Variants in FAM228B observed in about 807,000 individuals in gnomAD.
FAM228B encodes protein FAM228B.
In FAM228B, 38 loss-of-function variants were observed where a neutral mutation model predicts 42.6. The observed-to-expected ratio is 0.89, with a 90% CI of 0.69 to 1.17. The LOEUF (loss-of-function observed/expected upper bound fraction) is 1.17. Among genes scored for constraint, FAM228B ranks in the 50% most tolerant of loss-of-function variants. The probability of loss-of-function intolerance (pLI) is 0.00; values close to 1 mark genes in which losing one functional copy is unlikely to be tolerated. For synonymous variants in FAM228B, 109 were observed against 122.3 expected (o/e 0.89, Z 0.72); for missense variants, 344 against 367.3 (o/e 0.94, Z 0.52).
rs768676044 is a variant in FAM228B, at chr2:24,083,044, C to G, written c.-210+2089C>G. 6 of 1,614,148 alleles carry G rather than the reference C, an allele frequency of 3.7e-6. No individual in the cohort carries two copies. In the South Asian group the frequency reaches 6.6e-5, roughly 18 times the overall value. ...GGGAGCAGAGCCATGGCTGTGTCCC[C>G]GATCTTCCAGTGTCCCTGGCAGCCA... On this transcript the variant is annotated intron_variant, in intron 2 of 10. Transcript: ENST00000613899.
At chr2:24,146,684 T>G (rs1666901621) in intron 5 of FAM228B, 64 bp from the exon 6 acceptor site, 2 of 1,142,746 alleles carry the variant, frequency 1.8e-6, no homozygotes, top group East Asian at 5.1e-5. Context: ...ATGCTTAGAA[T>G]AGACTGAAAA....
intron 2 of FAM228B, among the ~76,000 whole-genome samples, chr2:24,126,256 T>C (rs894337193): frequency 7.9e-5 from 12 of 152,222 alleles, no homozygotes; most frequent in Admixed American, 6.5e-5. Context: ...GTTTCCAAAG[T>C]CATTGAATTA....
intron 3 of FAM228B, among the ~76,000 whole-genome samples, chr2:24,111,631 A>G (rs1189361936): frequency 6.6e-6 from 1 of 152,130 alleles, no homozygotes; most frequent in Non-Finnish European, 1.5e-5. Context: ...GTATCTTTAT[A>G]TTGTACATCT....
intron 5 of FAM228B, among the ~76,000 whole-genome samples, chr2:24,141,353 C>T (rs1418245519): frequency 6.6e-6 from 1 of 152,232 alleles, no homozygotes; most frequent in Non-Finnish European, 1.5e-5. Context: ...ACACCATTCT[C>T]CTGCTTCAGC....
At chr2:24,088,582 C>T (rs553521693) in intron 2 of FAM228B, among the ~76,000 whole-genome samples, 1 of 152,258 alleles carries the variant, frequency 6.6e-6, no homozygotes, top group Non-Finnish European at 1.5e-5. Flanking sequence ...AACTTTTGGG[C>T]TCAAGAGATC....
rs1438694373 is a variant in FAM228B at position 24,095,708 on chromosome 2, T to G, written c.-121+479T>G. ...GCTGAACAAAAGGCAGCAGACAACT[T>G]TTGCAGACTTAAAGGTCCCTGTCTG... is the stretch of plus-strand genomic sequence containing the variant. On this transcript the variant is annotated intron_variant, in intron 3 of 10. Coordinates refer to the FAM228B transcript ENST00000613899. This position sits in a 1 kb window ranked among gnomAD's most constrained non-coding sequence, Gnocchi z 4.8. 1 of 152,338 alleles carries G rather than the reference T, an allele frequency of 6.6e-6. No individual in the cohort carries two copies. The highest frequency in any genetic ancestry group is 2.4e-5 in the African/African-American group (1 of 41,440). The allele number at this position is 152,338 out of a possible 1,614,324, so 9.4% of individuals were successfully genotyped here.
At chr2:24,115,571 G>A in intron 3 of FAM228B, 1 of 1,607,982 alleles carries the variant, frequency 6.2e-7, no homozygotes, top group Non-Finnish European at 8.5e-7. Context: ...TCTTTCATGG[G>A]CCTCTGATGA....
In FAM228B at chr2:24,155,237, T is replaced by G. The variant is rs190755538; in HGVS notation, c.687-6269T>G. Among the ~76,000 whole-genome samples the G allele has an allele frequency of 1.4e-3, 213 of 152,206 alleles. 1 individual carries two copies. Among genetic ancestry groups the G allele is most frequent in the African/African-American group, 4.9e-3 (205 of 41,554 alleles). On this transcript the variant is annotated intron_variant, in intron 7 of 10. Coordinates refer to ENST00000615575, the MANE Select transcript of FAM228B (RefSeq NM_001145710.2). ...TTTTGTAGTGAGCAAATCACATTAATGGGCATACAGTGAGTTCCAGTCACA... is the reference window on the plus strand; with the variant it reads ...TTTTGTAGTGAGCAAATCACATTAAGGGGCATACAGTGAGTTCCAGTCACA...
At chr2:24,086,708 C>T (rs1374862057) in intron 2 of FAM228B, among the ~76,000 whole-genome samples, 2 of 152,136 alleles carry the variant, frequency 1.3e-5, no homozygotes, top group East Asian at 1.9e-4. Context: ...AGTAGACTAG[C>T]GTCTATTGAC....
chr2:24,100,570 C>G (rs1368343930), intron 3 of FAM228B, among the ~76,000 whole-genome samples: 1 of 152,176 alleles, frequency 6.6e-6, no homozygotes, highest in Non-Finnish European at 1.5e-5. Flanking sequence ...GAGATACCAT[C>G]TTGTGCCAGT....
upstream of FAM228B, chr2:24,123,378 C>T (rs1666189838): frequency 6.6e-6 from 1 of 152,270 alleles, no homozygotes; most frequent in Non-Finnish European, 1.5e-5. Flanking sequence ...GACTCCAGCC[C>T]CTTCCGCAAA....
intron 7 of FAM228B, among the ~76,000 whole-genome samples, chr2:24,151,752 G>T (rs959473833): frequency 2.0e-5 from 3 of 151,476 alleles, no homozygotes; most frequent in Non-Finnish European, 4.4e-5. Flanking sequence ...GTGCAATCTC[G>T]GCTCACTGTA....
intron 7 of FAM228B, among the ~76,000 whole-genome samples, chr2:24,158,336 G>A (rs60740584): frequency 2.0e-5 from 3 of 151,362 alleles, no homozygotes; most frequent in Non-Finnish European, 4.4e-5. Flanking sequence ...TTTGTCCCAC[G>A]ATGTACTTTT....
chr2:24,120,277 AAACAAC>A (rs1553329186), upstream of FAM228B, among the ~76,000 whole-genome samples: 2 of 151,382 alleles, frequency 1.3e-5, no homozygotes, highest in African/African-American at 4.9e-5. Flanking sequence ...TCAAAAAAAA[AAACAAC>A]AACAAAACAA....
At chr2:24,147,932 T>G (rs1287352614) in intron 7 of FAM228B, among the ~76,000 whole-genome samples, 5 of 120,740 alleles carry the variant, frequency 4.1e-5, no homozygotes, top group Non-Finnish European at 7.5e-5. Flanking sequence ...TTTTTTTTTT[T>G]GCATGTCTTG....
chr2:24,147,945 A>ATTTTTTTTTTTTTT (rs1666936476), intron 7 of FAM228B, among the ~76,000 whole-genome samples: 1 of 132,756 alleles, frequency 7.5e-6, no homozygotes, highest in Non-Finnish European at 1.6e-5. Flanking sequence ...ATGTCTTGTA[A>ATTTTTTTTTTTTTT]TTTTTTATTG....
At chr2:24,117,116 G>A (rs1665944378) in intron 3 of FAM228B, among the ~76,000 whole-genome samples, 1 of 149,412 alleles carries the variant, frequency 6.7e-6, no homozygotes, top group South Asian at 2.1e-4. Flanking sequence ...CTCCGTTCAA[G>A]TGATTCTCCT....
chr2:24,082,134 A>G (rs1665034896), intron 2 of FAM228B, among the ~76,000 whole-genome samples: 1 of 152,166 alleles, frequency 6.6e-6, no homozygotes, highest in African/African-American at 2.4e-5. Context: ...TAACTGAGAC[A>G]ACAGGCATGC....
intron 3 of FAM228B, among the ~76,000 whole-genome samples, chr2:24,135,804 A>T (rs574548495): frequency 3.2e-4 from 48 of 152,146 alleles, no homozygotes; most frequent in South Asian, 8.3e-4. Flanking sequence ...TAGTCACATG[A>T]CTTTATTTGC....
Sources: gnomAD v4.1 joint callset for allele counts (sites outside exome capture counted in the v4.1 genomes callset) on GRCh38, gnomAD v4.1.1 for gene constraint, Gnocchi (gnomAD v3.1) non-coding constraint, MANE v1.5 for transcripts, NCBI Gene and HGNC (gene_info 2026-07-23, HGNC 2026-07-21) for gene names.